Variants in CDC42SE2 observed in about 807,000 individuals in gnomAD.
CDC42SE2 encodes CDC42 small effector protein 2.
CDC42SE2 carries 3 observed loss-of-function variants against 11.5 expected under a neutral mutation model. That is an observed-to-expected ratio of 0.26 (90% CI 0.12 to 0.67). The LOEUF is 0.67. CDC42SE2 is among the 30% of genes least tolerant of loss of function. CDC42SE2 has a pLI of 0.80. For missense variants in CDC42SE2, 82 were observed against 106.8 expected, an observed-to-expected ratio of 0.77 and a Z score of 1.02; for synonymous variants, 33 against 34.8, an observed-to-expected ratio of 0.95 and a Z score of 0.18.
At chr5:131,367,618 C>T (rs1372358777) in intron 3 of CDC42SE2, among the ~76,000 whole-genome samples, 1 of 152,176 alleles carries the variant, frequency 6.6e-6, no homozygotes, top group African/African-American at 2.4e-5. Context: ...GTGCTTGTTG[C>T]TCGGTATGGT....
At chr5:131,339,141 G>A (rs1391999206) in intron 2 of CDC42SE2, among the ~76,000 whole-genome samples, 3 of 150,592 alleles carry the variant, frequency 2.0e-5, no homozygotes, top group Non-Finnish European at 2.9e-5. Context: ...TCAGCTACTC[G>A]GCAGACTGAG....
In CDC42SE2 at chr5:131,394,020, A is replaced by G. The variant is rs778189091; in HGVS notation, c.*2929A>G. 1.3e-5 allele frequency: 2 copies of G among 152,216 alleles called. No homozygotes were observed. Among genetic ancestry groups the G allele is most frequent in the Admixed American group, 6.6e-5 (1 of 15,258 alleles). The allele number at this position is 152,216 out of a possible 1,614,324, so 9.4% of individuals were successfully genotyped here. ...TGCCAATAAAATCAAGAAATAAGAA[A>G]ACTACAAAAAAAGATACGGTATTAA... is the stretch of plus-strand genomic sequence containing the variant. On this transcript the variant is annotated 3_prime_UTR_variant, in exon 5 of 5. Coordinates refer to ENST00000505065, the MANE Select transcript of CDC42SE2 (RefSeq NM_001375635.1).
chr5:131,234,662 AATAG>A, the CDC42SE2 span, among the ~76,000 whole-genome samples: 151 of 151,756 alleles, frequency 1.0e-3, no homozygotes, highest in Admixed American at 2.7e-3. Context: ...AAAAAAGAAA[AATAG>A]ATAGATAGAT....
At chr5:131,312,138 T>C (rs377150092) in intron 1 of CDC42SE2, among the ~76,000 whole-genome samples, 7 of 152,274 alleles carry the variant, frequency 4.6e-5, no homozygotes, top group African/African-American at 1.4e-4. Context: ...GATGTCCTTT[T>C]TGTTTGTTAG....
chr5:131,238,305 G>A, the CDC42SE2 span, among the ~76,000 whole-genome samples: 1 of 151,882 alleles, frequency 6.6e-6, no homozygotes, highest in African/African-American at 2.4e-5. Flanking sequence ...AGACCATCCC[G>A]GCTAACACGG....
intron 1 of CDC42SE2, among the ~76,000 whole-genome samples, chr5:131,249,686 G>T (rs1278080096): frequency 6.6e-6 from 1 of 152,168 alleles, no homozygotes; most frequent in East Asian, 1.9e-4. Flanking sequence ...GAGAACTTTT[G>T]TTCGACAGCT....
chr5:131,356,517 T>C (rs2149767983), intron 2 of CDC42SE2, among the ~76,000 whole-genome samples: 2 of 152,342 alleles, frequency 1.3e-5, no homozygotes, highest in Middle Eastern at 6.8e-3. Flanking sequence ...CATTTTAAGA[T>C]CCATATATTT....
intron 2 of CDC42SE2, among the ~76,000 whole-genome samples, chr5:131,316,997 ATTGTATCTGACTC>A: frequency 6.6e-6 from 1 of 152,152 alleles, no homozygotes; most frequent in Non-Finnish European, 1.5e-5. Context: ...TTATATTCCT[ATTGTATCTGACTC>A]TAATACTTCT....
intron 1 of CDC42SE2, among the ~76,000 whole-genome samples, chr5:131,282,456 A>G (rs1249795437): frequency 6.6e-6 from 1 of 152,172 alleles, no homozygotes; most frequent in Non-Finnish European, 1.5e-5. Context: ...TGTTGGAGGT[A>G]GTATAAATCT....
At chr5:131,337,909 G>C (rs1462769210) in intron 2 of CDC42SE2, among the ~76,000 whole-genome samples, 1 of 152,204 alleles carries the variant, frequency 6.6e-6, no homozygotes, top group Non-Finnish European at 1.5e-5. Context: ...CTGACCCCTT[G>C]CACTTCCGGG....
At chr5:131,300,748 A>C (rs1263860237) in intron 1 of CDC42SE2, among the ~76,000 whole-genome samples, 3 of 150,724 alleles carry the variant, frequency 2.0e-5, no homozygotes, top group Admixed American at 1.3e-4. Flanking sequence ...GCGCCACTGC[A>C]CTCCAGCCTG....
intron 1 of CDC42SE2, among the ~76,000 whole-genome samples, chr5:131,307,459 T>C (rs1757803590): frequency 6.6e-6 from 1 of 152,100 alleles, no homozygotes; most frequent in South Asian, 2.1e-4. Context: ...CTTAATCCAG[T>C]CTATCATTGT....
chr5:131,225,454 C>T, the CDC42SE2 span, among the ~76,000 whole-genome samples: 2 of 152,188 alleles, frequency 1.3e-5, no homozygotes, highest in Non-Finnish European at 2.9e-5. Flanking sequence ...AACACAGAGG[C>T]TAATCCTGTG....
intron 1 of CDC42SE2, among the ~76,000 whole-genome samples, chr5:131,313,030 T>C (rs1163289303): frequency 6.6e-6 from 1 of 151,920 alleles, no homozygotes; most frequent in Non-Finnish European, 1.5e-5. Context: ...TCACCCAGGC[T>C]GTAGTGCAGT....
At chr5:131,304,641 C>T (rs1757746660) in intron 1 of CDC42SE2, among the ~76,000 whole-genome samples, 1 of 152,064 alleles carries the variant, frequency 6.6e-6, no homozygotes, top group Non-Finnish European at 1.5e-5. Flanking sequence ...TGTTGAAATC[C>T]ACCACATTTC....
At chr5:131,252,565 G>A (rs1160559303) in intron 1 of CDC42SE2, among the ~76,000 whole-genome samples, 1 of 152,142 alleles carries the variant, frequency 6.6e-6, no homozygotes, top group Non-Finnish European at 1.5e-5. Flanking sequence ...GCTGAGCAGG[G>A]GAATTGCTTG....
chr5:131,315,428 T>G (rs778919676), intron 1 of CDC42SE2, among the ~76,000 whole-genome samples: 2 of 152,190 alleles, frequency 1.3e-5, no homozygotes, highest in Non-Finnish European at 2.9e-5. Flanking sequence ...TAGCAGAGTT[T>G]GCAAGCTCAG....
intron 1 of CDC42SE2, among the ~76,000 whole-genome samples, chr5:131,270,036 G>A (rs1446784436): frequency 6.6e-6 from 1 of 151,876 alleles, no homozygotes; most frequent in Non-Finnish European, 1.5e-5. Flanking sequence ...ACTCCAGCCT[G>A]GGCGATGGAG....
chr5:131,312,872 C>T (rs1477195638), intron 1 of CDC42SE2, among the ~76,000 whole-genome samples: 5 of 152,220 alleles, frequency 3.3e-5, no homozygotes, highest in Non-Finnish European at 7.3e-5. Context: ...CCCAGTACCT[C>T]AGATGGAAAT....
Sources: gnomAD v4.1 joint callset for allele counts (sites outside exome capture counted in the v4.1 genomes callset) on GRCh38, gnomAD v4.1.1 for gene constraint, MANE v1.5 for transcripts, NCBI Gene and HGNC (gene_info 2026-07-23, HGNC 2026-07-21) for gene names.